Variants in ERI3 observed in about 807,000 individuals in gnomAD.
ERI3 encodes ERI1 exoribonuclease family member 3.
In ERI3, 18 loss-of-function variants were observed where a neutral mutation model predicts 44.4. The observed-to-expected ratio is 0.41, with a 90% CI of 0.28 to 0.60. The LOEUF (loss-of-function observed/expected upper bound fraction) is 0.60, where lower values mean the gene tolerates loss of function less well. ERI3 is among the 20% of genes least tolerant of loss of function. The pLI is 0.36. For missense variants in ERI3, 294 were observed against 435.5 expected (o/e 0.68, Z 2.89); for synonymous variants, 183 against 164.8 (o/e 1.11, Z -0.84).
chr1:44,301,679 G>A (rs1314838808), intron 6 of ERI3, among the ~76,000 whole-genome samples: 2 of 152,188 alleles, frequency 1.3e-5, no homozygotes, highest in Non-Finnish European at 2.9e-5. Flanking sequence ...CCAGGGTGGG[G>A]AGGTTCTGGG....
chr1:44,285,459 G>A (rs1258876755), intron 6 of ERI3, among the ~76,000 whole-genome samples: 1 of 152,190 alleles, frequency 6.6e-6, no homozygotes, highest in African/African-American at 2.4e-5. Flanking sequence ...TAGATGAGCA[G>A]GGGTTTCAGC....
intron 4 of ERI3, among the ~76,000 whole-genome samples, chr1:44,314,153 T>TA (rs779128513): frequency 6.8e-6 from 1 of 148,146 alleles, no homozygotes; most frequent in South Asian, 2.2e-4. Context: ...TAAAGTGTGT[T>TA]GGGGGGGGGG....
chr1:44,237,207 G>A (rs988328108), intron 8 of ERI3, among the ~76,000 whole-genome samples: 2 of 152,068 alleles, frequency 1.3e-5, no homozygotes, highest in African/African-American at 4.8e-5. Context: ...CAACATTGAC[G>A]TGCCTCAGCC....
At chr1:44,322,635 T>A in intron 3 of ERI3, 1 of 1,436,360 alleles carries the variant, frequency 7.0e-7, no homozygotes, top group Non-Finnish European at 9.2e-7. Context: ...GCATATTCAC[T>A]TGAGCTACTG....
chr1:44,265,487 A>G (rs145889507), intron 7 of ERI3, among the ~76,000 whole-genome samples: 1 of 152,224 alleles, frequency 6.6e-6, no homozygotes, highest in African/African-American at 2.4e-5. Context: ...TACAGCAGTC[A>G]ACAATACAGC....
chr1:44,261,049 G>A (rs544089651), intron 7 of ERI3, among the ~76,000 whole-genome samples: 1 of 152,230 alleles, frequency 6.6e-6, no homozygotes, highest in Non-Finnish European at 1.5e-5. Flanking sequence ...GGTCCTAGAA[G>A]CAGGCAGGTG....
intron 2 of ERI3, among the ~76,000 whole-genome samples, chr1:44,350,718 T>TC: frequency 6.6e-6 from 1 of 152,344 alleles, no homozygotes; most frequent in African/African-American, 2.4e-5. Context: ...TCAGTTATAC[T>TC]CTTTTTTTTA....
intron 2 of ERI3, among the ~76,000 whole-genome samples, chr1:44,342,826 T>TATAAATAA (rs1312905573): frequency 5.8e-5 from 1 of 17,292 alleles, no homozygotes; most frequent in African/African-American, 2.6e-4. Context: ...TATATATATA[T>TATAAATAA]ATATATATAT....
intron 7 of ERI3, among the ~76,000 whole-genome samples, chr1:44,271,792 T>C (rs371261921): frequency 9.8e-5 from 15 of 152,324 alleles, no homozygotes; most frequent in African/African-American, 1.4e-4. Context: ...AGGCCAGGAA[T>C]TGACCTAAGG....
chr1:44,333,964 A>AAC (rs544599566), intron 3 of ERI3, among the ~76,000 whole-genome samples: 293 of 152,352 alleles, frequency 1.9e-3, no homozygotes, highest in Non-Finnish European at 3.3e-3. Context: ...ACAAAGACCA[A>AAC]ACACTAGAAA....
chr1:44,336,506 C>A (rs1266825760), intron 3 of ERI3, among the ~76,000 whole-genome samples: 1 of 152,030 alleles, frequency 6.6e-6, no homozygotes, highest in Admixed American at 6.5e-5. Flanking sequence ...ACATTTATCA[C>A]TTGCCCTAGA....
intron 3 of ERI3, among the ~76,000 whole-genome samples, chr1:44,326,805 G>A (rs1162971519): frequency 6.6e-6 from 1 of 152,130 alleles, no homozygotes; most frequent in Non-Finnish European, 1.5e-5. Flanking sequence ...AGACCCCAAA[G>A]CAATTAAAAT....
chr1:44,250,237 G>A (rs982756911), intron 7 of ERI3, among the ~76,000 whole-genome samples: 2 of 152,230 alleles, frequency 1.3e-5, no homozygotes, highest in Admixed American at 6.5e-5. Flanking sequence ...AGCTTAAAGC[G>A]ACGGGCGGGC....
At chr1:44,308,448 A>G in intron 5 of ERI3, 47 bp from the exon 6 acceptor site, 1 of 1,489,286 alleles carries the variant, frequency 6.7e-7, no homozygotes, top group Non-Finnish European at 9.4e-7. Context: ...TTTTTCCCTG[A>G]GCCTGTGAAG....
rs1023425064 is a variant in ERI3 at position 44,252,942 on chromosome 1, G to A, written c.832-4904C>T. ...ATTCAGCCTATCCATCCCACCTAGA[G>A]GTGAGGAGGAGCAGGCCTTTAACCA... On this transcript the variant is annotated intron_variant, in intron 7 of 8. Transcript: ENST00000372257. The surrounding 1 kb of genome is among the most constrained non-coding windows in gnomAD (Gnocchi z 4.7). 6.6e-6 allele frequency among the ~76,000 whole-genome samples: 1 copy of A among 152,222 alleles called. No homozygotes were observed. Among genetic ancestry groups the A allele is most frequent in the Non-Finnish European group, 1.5e-5 (1 of 68,042 alleles).
chr1:44,228,784 C>T lies in ERI3; in HGVS notation c.932-7144G>A, dbSNP rs991105012. Reference sequence around the variant, plus strand: ...CCTGACCAGTAAGCATAGCATCAAACCCCTTATGTCGCTTGCAGTGCATTT... The same window carrying T: ...CCTGACCAGTAAGCATAGCATCAAATCCCTTATGTCGCTTGCAGTGCATTT... On this transcript the variant is annotated intron_variant, in intron 8 of 8. Transcript: ENST00000372257. The surrounding 1 kb of genome is among the most constrained non-coding windows in gnomAD (Gnocchi z 4.3). Among the ~76,000 whole-genome samples, 1 of 152,218 alleles carries T rather than the reference C, an allele frequency of 6.6e-6. No individual in the cohort carries two copies. Among genetic ancestry groups the T allele is most frequent in the Non-Finnish European group, 1.5e-5 (1 of 68,040 alleles).
intron 7 of ERI3, among the ~76,000 whole-genome samples, chr1:44,249,215 A>G (rs1032197638): frequency 6.6e-6 from 1 of 152,156 alleles, no homozygotes; most frequent in African/African-American, 2.4e-5. Flanking sequence ...CAGTGGCAGG[A>G]CAGCGTACAG....
intron 1 of ERI3, chr1:44,354,141 T>C (rs1646950000): frequency 5.1e-6 from 5 of 985,462 alleles, no homozygotes; most frequent in Non-Finnish European, 6.0e-6. Flanking sequence ...ATTTAGCCAC[T>C]CACAACCTAC....
At chr1:44,288,794 G>C (rs1328455008) in intron 6 of ERI3, among the ~76,000 whole-genome samples, 1 of 152,058 alleles carries the variant, frequency 6.6e-6, no homozygotes, top group Non-Finnish European at 1.5e-5. Context: ...AAGGTTCTTA[G>C]GAGCCTAAGG....
Sources: allele counts gnomAD v4.1 joint callset (sites outside exome capture counted in the v4.1 genomes callset), GRCh38; gene constraint gnomAD v4.1.1; non-coding constraint Gnocchi (gnomAD v3.1); transcripts MANE v1.5; gene names NCBI Gene and HGNC (gene_info 2026-07-23, HGNC 2026-07-21).